The following SLC6A19 variants were observed in gnomAD, a reference collection of about 807,000 sequenced individuals.
SLC6A19 encodes the protein sodium-dependent neutral amino acid transporter B(0)AT1.
SLC6A19 carries 67 observed loss-of-function variants against 68.3 expected under a neutral mutation model. The observed-to-expected ratio is 0.98, with a 90% CI of 0.81 to 1.20. The LOEUF is 1.20. Ranked by LOEUF, SLC6A19 falls within the 50% of genes most tolerant of loss-of-function variation. The probability of loss-of-function intolerance (pLI) is 0.00; values close to 1 mark genes in which losing one functional copy is unlikely to be tolerated. For missense variants in SLC6A19, 813 were observed against 851.6 expected, an observed-to-expected ratio of 0.95 and a Z score of 0.56; for synonymous variants, 392 against 374.9, an observed-to-expected ratio of 1.05 and a Z score of -0.53.
intron 8 of SLC6A19, 140 bp from the exon 9 acceptor site, chr5:1,218,763 G>T: frequency 7.6e-6 from 6 of 792,462 alleles, no homozygotes; most frequent in Non-Finnish European, 1.2e-5. Context: ...GGGCCTAAAA[G>T]ACAAGATCTA....
chr5:1,208,721 G>A, intron 1 of SLC6A19, 25 bp from the exon 2 acceptor site: 1 of 1,613,270 alleles, frequency 6.2e-7, no homozygotes, highest in Non-Finnish European at 8.5e-7. Flanking sequence ...CGGCTCTCAG[G>A]CATGGTGGAC....
chr5:1,221,084 T>C lies in SLC6A19; in HGVS notation c.1539-67T>C, dbSNP rs12513763. The C allele has an allele frequency of 0.93, 1,473,688 of 1,577,352 alleles. 691,279 individuals are homozygous for C. The highest frequency in any genetic ancestry group is 0.95 in the Non-Finnish European group (1,103,443 of 1,159,616). ...CACCATCTGTTCGGGTAGCAGAACG[T>C]ACAGAAAGCTTAGCGAGTTGAAGCC... is the stretch of plus-strand genomic sequence containing the variant. On this transcript the variant is annotated intron_variant, in intron 10 of 11. Transcript: ENST00000304460.
At position 1,205,266 on chromosome 5, in the gene SLC6A19, A is replaced by C. The variant is rs561355760; in HGVS notation, c.202+3414A>C. On this transcript the variant is annotated intron_variant, in intron 1 of 11. Transcript: ENST00000304460. ...CCTCTGCACCTCACCCCACACTAGGAAGAAGTCGCTGCGTTTAAAAGACAA... is the reference window on the plus strand; with the variant it reads ...CCTCTGCACCTCACCCCACACTAGGCAGAAGTCGCTGCGTTTAAAAGACAA... Among the ~76,000 whole-genome samples the C allele has an allele frequency of 1.0e-3, 157 of 152,344 alleles. 3 individuals are homozygous for C. The South Asian group carries it at 0.032, about 31-fold the overall frequency.
chr5:1,221,218 G>A lies in SLC6A19; in HGVS notation c.1606G>A (p.Val536Met), dbSNP rs145250153. ...CATCTTCTGGCAAGTCACGTGGCGC[G>A]TGGTCAGCCCCCTGCTCATGCTGAT... The part of the protein sequence containing the change: ...PNIFWQVTWR[V>M]VSPLLMLIIF... The change falls in exon 11 of 12, where the codon GTG (valine) becomes ATG (methionine). Residue 536 changes from valine to methionine, a missense_variant. Val to Met is a conservative substitution (Grantham distance 21). Coordinates refer to ENST00000304460, the MANE Select transcript of SLC6A19 (RefSeq NM_001003841.3). 237 of 1,614,138 alleles carry A rather than the reference G, an allele frequency of 1.5e-4. No homozygotes were observed. The Middle Eastern group carries it at 3.5e-3, about 24-fold the overall frequency.
chr5:1,211,004 C>G (rs2126500541), intron 3 of SLC6A19, among the ~76,000 whole-genome samples: 1 of 152,348 alleles, frequency 6.6e-6, no homozygotes, highest in East Asian at 1.9e-4. Context: ...CACCCCGGCC[C>G]TTCCAGAACC....
chr5:1,221,632 G>C (rs1746383623), intron 11 of SLC6A19, 69 bp from the exon 12 acceptor site: 1 of 1,581,032 alleles, frequency 6.3e-7, no homozygotes, highest in Non-Finnish European at 8.7e-7. Flanking sequence ...TGGGGTGAGG[G>C]GCCTTTGCCT....
Position 1,215,721 on chromosome 5 carries a change from G to T in SLC6A19, c.888-837G>T, listed in dbSNP as rs558649947. 1.3e-5 allele frequency among the ~76,000 whole-genome samples: 2 copies of T among 152,204 alleles called. No individual in the cohort carries two copies. Among genetic ancestry groups the T allele is most frequent in the Non-Finnish European group, 2.9e-5 (2 of 68,044 alleles). ...CCTGTGTGTACGCGTTTTTGTGGACGCATGCTTTCGTTCTTCTGGGTGTGC... is the reference window on the plus strand; with the variant it reads ...CCTGTGTGTACGCGTTTTTGTGGACTCATGCTTTCGTTCTTCTGGGTGTGC... On this transcript the variant is annotated intron_variant, in intron 6 of 11. Coordinates refer to ENST00000304460, the MANE Select transcript of SLC6A19 (RefSeq NM_001003841.3). This position sits in a 1 kb window ranked among gnomAD's most constrained non-coding sequence, Gnocchi z 5.1.
chr5:1,216,983 C>T (rs377301297), intron 8 of SLC6A19, 38 bp downstream of exon 8: 3 of 1,610,634 alleles, frequency 1.9e-6, no homozygotes, highest in Admixed American at 3.3e-5. Context: ...GGAGAGGGCA[C>T]CCCTTGCTGG....
Position 1,210,568 on chromosome 5 carries a change from C to A in SLC6A19, c.468C>A (p.Asn156Lys), listed in dbSNP as rs549469162. ...TGCCCTGGAGCGACTGCCCGCTCAA[C>A]GAGAACCAGACAGGTGAGTCCTTGC... ...EPLPWSDCPL[N>K]ENQTGYVDEC... is the part of the protein sequence containing the mutation. Residue 156 changes from asparagine (N) to lysine (K), a missense_variant, in exon 3 of 12, where the codon AAC (asparagine) becomes AAA (lysine). Coordinates refer to ENST00000304460, the MANE Select transcript of SLC6A19 (RefSeq NM_001003841.3). The A allele has an allele frequency of 4.3e-6, 7 of 1,612,876 alleles. No homozygotes were observed. Among genetic ancestry groups the A allele is most frequent in the East Asian group, 2.2e-5 (1 of 44,890 alleles).
chr5:1,208,611 C>T, intron 1 of SLC6A19, 135 bp from the exon 2 acceptor site: 1 of 1,193,474 alleles, frequency 8.4e-7, no homozygotes, highest in South Asian at 1.2e-5. Context: ...ACTGGCTGCT[C>T]CATCTCAGCT....
intron 6 of SLC6A19, 44 bp from the exon 7 acceptor site, chr5:1,216,514 T>C (rs1746210746): frequency 3.1e-6 from 5 of 1,613,320 alleles, no homozygotes; most frequent in Non-Finnish European, 2.5e-6. Flanking sequence ...TGTCCTGACC[T>C]GGGACCTCAT....
At chr5:1,210,885 C>T (rs1746009883) in intron 3 of SLC6A19, among the ~76,000 whole-genome samples, 1 of 152,146 alleles carries the variant, frequency 6.6e-6, no homozygotes, top group South Asian at 2.1e-4. Flanking sequence ...GCTCCCTATT[C>T]TCTAGGAAGG....
At position 1,212,709 on chromosome 5, in the gene SLC6A19, A is replaced by C. The variant is rs1746078953; in HGVS notation, c.663+225A>C. On this transcript the variant is annotated intron_variant, in intron 4 of 11. Transcript: ENST00000304460. The surrounding 1 kb of genome is among the most constrained non-coding windows in gnomAD (Gnocchi z 5.1). ...AATGACCAGACTTGGGGCTCCAGGA[A>C]CTTGACGTTGGCCCACACGACACTT... Among the ~76,000 whole-genome samples, 1 of 152,032 alleles carries C rather than the reference A, an allele frequency of 6.6e-6. No individual in the cohort carries two copies. Among genetic ancestry groups the C allele is most frequent in the Non-Finnish European group, 1.5e-5 (1 of 67,970 alleles).
Position 1,216,282 on chromosome 5 carries a change from A to C in SLC6A19, c.888-276A>C, listed in dbSNP as rs983515449. 3.3e-4 allele frequency among the ~76,000 whole-genome samples: 50 copies of C among 151,630 alleles called. 2 individuals are homozygous for C. The highest frequency in any genetic ancestry group is 2.9e-5 in the Non-Finnish European group (2 of 67,868). On this transcript the variant is annotated intron_variant, in intron 6 of 11. Coordinates refer to ENST00000304460, the MANE Select transcript of SLC6A19 (RefSeq NM_001003841.3). Reference sequence around the variant, plus strand: ...GGAAAGAGACCTGAGCTCTATAACCAGAGTGGTCTGGGGAGTCAGGAGCAG... The same window carrying C: ...GGAAAGAGACCTGAGCTCTATAACCCGAGTGGTCTGGGGAGTCAGGAGCAG...
chr5:1,206,419 T>A lies in SLC6A19; in HGVS notation c.203-2327T>A, dbSNP rs979748338. ...CCCTCTCTGTCTCTGTCTCTCTGTG[T>A]CACTGTCTCTGTGTGTGTCTCTGTC... On this transcript the variant is annotated intron_variant, in intron 1 of 11. Transcript: ENST00000304460. Among the ~76,000 whole-genome samples, 68 of 80,168 alleles carry A rather than the reference T, an allele frequency of 8.5e-4. No individual in the cohort carries two copies. In the South Asian group the frequency reaches 9.4e-3, roughly 11 times the overall value. The allele number at this position is 80,168 out of a possible 152,430, so 52.6% of individuals were successfully genotyped here.
In SLC6A19 at chr5:1,201,665, G is replaced by A; in HGVS notation, c.15G>A (p.Val5=). 1 of 1,607,358 alleles carries A rather than the reference G, an allele frequency of 6.2e-7. No individual in the cohort carries two copies. The highest frequency in any genetic ancestry group is 8.5e-7 in the Non-Finnish European group (1 of 1,179,490). MVRL[V]LPNPGLDARI... ...CAGCGACCACCATGGTGAGGCTCGT[G>A]CTGCCCAACCCCGGCCTAGACGCCC... The change falls in exon 1 of 12, where the codon GTG becomes GTA. Residue 5 remains valine, a synonymous_variant. Transcript: ENST00000304460.
rs943469386 is a variant in SLC6A19 at position 1,224,698 on chromosome 5, T to A, written c.*2794T>A. ...TTGAGGGGTGCAGTGTCCAGTGGAA[T>A]GGGGCAATTGCGGGCCTGGGGGCCC... On this transcript the variant is annotated 3_prime_UTR_variant, in exon 12 of 12. Transcript: ENST00000304460. The A allele has an allele frequency of 6.6e-6, 1 of 152,386 alleles. No homozygotes were observed. Among genetic ancestry groups the A allele is most frequent in the Non-Finnish European group, 1.5e-5 (1 of 68,156 alleles). The allele number at this position is 152,386 out of a possible 1,614,324, so 9.4% of individuals were successfully genotyped here.
chr5:1,212,520 A>G lies in SLC6A19; in HGVS notation c.663+36A>G. 6.2e-7 allele frequency: 1 copy of G among 1,601,300 alleles called. No individual in the cohort carries two copies. Among genetic ancestry groups the G allele is most frequent in the South Asian group, 1.1e-5 (1 of 90,992 alleles). On this transcript the variant is annotated intron_variant, in intron 4 of 11. Coordinates refer to ENST00000304460, the MANE Select transcript of SLC6A19 (RefSeq NM_001003841.3). This position sits in a 1 kb window ranked among gnomAD's most constrained non-coding sequence, Gnocchi z 5.1. ...GGCCCGGCCAGGCTGCAGGTGCTCC[A>G]GAGGGCGGGTGCGGGCAGCCCTGCC...
Position 1,210,536 on chromosome 5 carries a change from G to A in SLC6A19, c.436G>A (p.Glu146Lys), listed in dbSNP as rs752810918. The A allele has an allele frequency of 3.1e-6, 5 of 1,613,328 alleles. No individual in the cohort carries two copies. The South Asian group carries it at 4.4e-5, about 14-fold the overall frequency. The change falls in exon 3 of 12, where the codon GAG (glutamate) becomes AAG (lysine). Residue 146 changes from glutamate to lysine, a missense_variant. Physicochemically the swap from Glu to Lys is moderately conservative, Grantham distance 56 (BLOSUM62 1). Coordinates refer to ENST00000304460, the MANE Select transcript of SLC6A19 (RefSeq NM_001003841.3). Reference sequence around the variant, plus strand: ...GTGGTACTTATTCAACTCCTTCCAGGAGCCTCTGCCCTGGAGCGACTGCCC... The same window carrying A: ...GTGGTACTTATTCAACTCCTTCCAGAAGCCTCTGCCCTGGAGCGACTGCCC... ...IMWYLFNSFQEPLPWSDCPLN... is the reference protein window; with the variant it reads ...IMWYLFNSFQKPLPWSDCPLN...
Sources: gnomAD v4.1 joint callset for allele counts (sites outside exome capture counted in the v4.1 genomes callset) on GRCh38, gnomAD v4.1.1 for gene constraint, Gnocchi (gnomAD v3.1) non-coding constraint, MANE v1.5 for transcripts, NCBI Gene and HGNC (gene_info 2026-07-23, HGNC 2026-07-21) for gene names.